Variants in FOXN3 observed in about 807,000 individuals in gnomAD.
FOXN3 encodes the protein forkhead box protein N3.
FOXN3 carries 7 observed loss-of-function variants against 38.4 expected under a neutral mutation model. That is an observed-to-expected ratio of 0.18 (90% CI 0.10 to 0.34). The LOEUF is 0.34. FOXN3 is among the 10% of genes least tolerant of loss of function. The probability of loss-of-function intolerance (pLI) is 1.00; values close to 1 mark genes in which losing one functional copy is unlikely to be tolerated. For missense variants in FOXN3, 456 were observed against 613.4 expected, an observed-to-expected ratio of 0.74 and a Z score of 2.71; for synonymous variants, 230 against 242.2, an observed-to-expected ratio of 0.95 and a Z score of 0.47.
Position 89,362,900 on chromosome 14 carries a change from C to T in FOXN3, c.544-12092G>A, listed in dbSNP as rs1889931918. 2.6e-5 allele frequency among the ~76,000 whole-genome samples: 4 copies of T among 152,130 alleles called. 1 individual carries two copies. In the South Asian group the frequency reaches 6.2e-4, roughly 24 times the overall value. ...GCCTAACGAAAGGTGGATCGTTGGG[C>T]CTGATTTTGAAGCAGGTCCCTGAAC... On this transcript the variant is annotated intron_variant, in intron 2 of 5. Transcript: ENST00000557258.
intron 2 of FOXN3, among the ~76,000 whole-genome samples, chr14:89,396,194 C>A (rs1318894310): frequency 2.6e-5 from 4 of 152,146 alleles, no homozygotes. Flanking sequence ...AATGAAAAAT[C>A]ACTTATAAAA....
intron 1 of FOXN3, among the ~76,000 whole-genome samples, chr14:89,449,871 T>G (rs952297638): frequency 1.3e-5 from 2 of 152,068 alleles, no homozygotes; most frequent in African/African-American, 4.8e-5. Flanking sequence ...ACTGCCCTTT[T>G]AAAGAAACCC....
chr14:89,605,221 C>A (rs1896246166), intron 1 of FOXN3, among the ~76,000 whole-genome samples: 1 of 151,662 alleles, frequency 6.6e-6, no homozygotes, highest in Non-Finnish European at 1.5e-5. Context: ...AAAACGAAAC[C>A]TAAATTGGTA....
chr14:89,323,015 G>T (rs751509473), intron 3 of FOXN3, among the ~76,000 whole-genome samples: 1 of 152,078 alleles, frequency 6.6e-6, no homozygotes, highest in African/African-American at 2.4e-5. Flanking sequence ...GGAGCCGGGC[G>T]CAGTGGCTCA....
intron 1 of FOXN3, among the ~76,000 whole-genome samples, chr14:89,481,317 T>G (rs1292922809): frequency 6.6e-6 from 1 of 151,684 alleles, no homozygotes; most frequent in East Asian, 1.9e-4. Context: ...GGGTAGGGAG[T>G]GGTGGCAGGG....
At chr14:89,537,100 A>G (rs996035097) in intron 1 of FOXN3, among the ~76,000 whole-genome samples, 1 of 152,232 alleles carries the variant, frequency 6.6e-6, no homozygotes, top group African/African-American at 2.4e-5. Context: ...AAGCACCCAC[A>G]GCATTTCTCT....
intron 1 of FOXN3, among the ~76,000 whole-genome samples, chr14:89,503,159 G>A (rs547186014): frequency 2.2e-4 from 33 of 152,032 alleles, no homozygotes; most frequent in Non-Finnish European, 3.7e-4. Flanking sequence ...CAAAGCTCCC[G>A]GCCAGCAGAG....
intron 1 of FOXN3, among the ~76,000 whole-genome samples, chr14:89,537,671 A>G (rs969316963): frequency 4.6e-5 from 7 of 152,234 alleles, no homozygotes; most frequent in African/African-American, 1.7e-4. Context: ...GCCTTTGCCA[A>G]TGTGTGAGTG....
Position 89,389,803 on chromosome 14 carries a change from C to T in FOXN3, c.543+22131G>A, listed in dbSNP as rs553882446. Among the ~76,000 whole-genome samples the T allele has an allele frequency of 1.5e-4, 23 of 152,228 alleles. No individual in the cohort carries two copies. In the South Asian group the frequency reaches 4.6e-3, roughly 30 times the overall value. Reference sequence around the variant, plus strand: ...AGTCATCTCACAGAAATGACCCTACCGGGTCAGAGGTGACTCCTGTCCTTT... The same window carrying T: ...AGTCATCTCACAGAAATGACCCTACTGGGTCAGAGGTGACTCCTGTCCTTT... On this transcript the variant is annotated intron_variant, in intron 2 of 5. Coordinates refer to ENST00000557258, the MANE Select transcript of FOXN3 (RefSeq NM_005197.4).
chr14:89,219,378 T>G (rs57355761), intron 4 of FOXN3, among the ~76,000 whole-genome samples: 31,322 of 152,186 alleles, frequency 0.21, 3,256 homozygotes, highest in East Asian at 0.33. Context: ...ACCTCTTTAC[T>G]TTATAAATTA....
In FOXN3 at chr14:89,164,482, C is replaced by T. The variant is rs1333298425; in HGVS notation, c.852-1513G>A. ...CCCCAACTGTAAGTACTCTTACATCCCCTCCATAGAGGGCACTCCCCACCA... is the reference window on the plus strand; with the variant it reads ...CCCCAACTGTAAGTACTCTTACATCTCCTCCATAGAGGGCACTCCCCACCA... On this transcript the variant is annotated intron_variant, in intron 5 of 5. Transcript: ENST00000557258. This position sits in a 1 kb window ranked among gnomAD's most constrained non-coding sequence, Gnocchi z 4.3. 1.3e-5 allele frequency among the ~76,000 whole-genome samples: 2 copies of T among 152,174 alleles called. No homozygotes were observed. The highest frequency in any genetic ancestry group is 6.5e-5 in the Admixed American group (1 of 15,286).
chr14:89,349,230 A>G (rs919576266), intron 3 of FOXN3, among the ~76,000 whole-genome samples: 17 of 152,226 alleles, frequency 1.1e-4, no homozygotes, highest in Admixed American at 1.1e-3. Flanking sequence ...CCACAAGGAG[A>G]AAACCAAGCA....
At chr14:89,437,856 T>C (rs1265700424) in intron 1 of FOXN3, among the ~76,000 whole-genome samples, 2 of 152,196 alleles carry the variant, frequency 1.3e-5, no homozygotes, top group Non-Finnish European at 2.9e-5. Flanking sequence ...GACCCTCTCT[T>C]GGGGGTCAGG....
chr14:89,522,072 A>G (rs935069611), intron 1 of FOXN3, among the ~76,000 whole-genome samples: 3 of 152,012 alleles, frequency 2.0e-5, no homozygotes, highest in Non-Finnish European at 2.9e-5. Context: ...ATAATGGTAG[A>G]TTTCTCATCA....
At chr14:89,266,531 C>T (rs1238241032) in intron 4 of FOXN3, among the ~76,000 whole-genome samples, 2 of 152,106 alleles carry the variant, frequency 1.3e-5, no homozygotes, top group African/African-American at 4.8e-5. Flanking sequence ...CAGTAAGTTA[C>T]ATGGATATAT....
At chr14:89,457,987 G>A (rs750291156) in intron 1 of FOXN3, among the ~76,000 whole-genome samples, 3 of 132,374 alleles carry the variant, frequency 2.3e-5, no homozygotes, top group Non-Finnish European at 4.6e-5. Context: ...CCAAGATTGC[G>A]CCATCGCACT....
chr14:89,418,266 T>C (rs1023707589), upstream of FOXN3, among the ~76,000 whole-genome samples: 7 of 151,990 alleles, frequency 4.6e-5, no homozygotes, highest in Admixed American at 3.9e-4. Flanking sequence ...CAGGACATCG[T>C]GAGCGGTCTG....
At chr14:89,293,573 T>C (rs1296973361) in intron 3 of FOXN3, among the ~76,000 whole-genome samples, 1 of 152,136 alleles carries the variant, frequency 6.6e-6, no homozygotes, top group Non-Finnish European at 1.5e-5. Flanking sequence ...TGGCTTCAAA[T>C]TCCCACCTTT....
intron 1 of FOXN3, among the ~76,000 whole-genome samples, chr14:89,503,024 C>T (rs551279060): frequency 1.1e-4 from 17 of 152,250 alleles, no homozygotes; most frequent in African/African-American, 3.9e-4. Context: ...TTGAATGGCA[C>T]CTACAAACTA....
Sources: gnomAD v4.1 joint callset for allele counts (sites outside exome capture counted in the v4.1 genomes callset) on GRCh38, gnomAD v4.1.1 for gene constraint, Gnocchi (gnomAD v3.1) non-coding constraint, MANE v1.5 for transcripts, NCBI Gene and HGNC (gene_info 2026-07-23, HGNC 2026-07-21) for gene names.